The following PKD1 variants were observed in gnomAD, a reference collection of about 807,000 sequenced individuals.
The protein encoded by PKD1 is polycystin 1, transient receptor potential channel interacting, also known as polycystin-1.
PKD1 carries 81 observed loss-of-function variants against 361.7 expected under a neutral mutation model. That is an observed-to-expected ratio of 0.22 (90% CI 0.19 to 0.27). PKD1 has a LOEUF of 0.27. Among genes scored for constraint, PKD1 ranks in the 10% least tolerant of loss-of-function variants. The pLI is 1.00. For missense variants in PKD1, 6,399 were observed against 6,118.3 expected (o/e 1.05, Z -1.53); for synonymous variants, 3,615 against 2,818.3 (o/e 1.28, Z -8.95).
In PKD1 at chr16:2,097,129, C is replaced by A; in HGVS notation, c.10499+19G>T. On this transcript the variant is annotated intron_variant, in intron 34 of 45. Transcript: ENST00000262304. ...CCCTCCTCTGGCAATCCCCCCTCCC[C>A]CGAGAGCCGGACACTCACAGGCTGC... 1 of 1,541,992 alleles carries A rather than the reference C, an allele frequency of 6.5e-7. No homozygotes were observed. Among genetic ancestry groups the A allele is most frequent in the Non-Finnish European group, 8.8e-7 (1 of 1,141,858 alleles).
At chr16:2,104,380 G>C in intron 22 of PKD1, 118 bp downstream of exon 22, 1 of 592,464 alleles carries the variant, frequency 1.7e-6, no homozygotes, top group Non-Finnish European at 3.0e-6. Context: ...GGGAATTGGG[G>C]GGAGGGGAGG....
chr16:2,120,171 C>G, intron 1 of PKD1: 1 of 408,070 alleles, frequency 2.5e-6, no homozygotes, highest in Non-Finnish European at 4.4e-6. Context: ...GAGATCGCAT[C>G]ACTGTACTCC....
In PKD1 at chr16:2,096,390, C is replaced by T. The variant is rs796828285; in HGVS notation, c.10499+758G>A. 9.8e-5 allele frequency among the ~76,000 whole-genome samples: 15 copies of T among 152,376 alleles called. 1 individual carries two copies. Among genetic ancestry groups the T allele is most frequent in the African/African-American group, 3.4e-4 (14 of 41,594 alleles). On this transcript the variant is annotated intron_variant, in intron 34 of 45. Coordinates refer to ENST00000262304, the MANE Select transcript of PKD1 (RefSeq NM_001009944.3). The stretch of plus-strand genomic sequence containing the variant: ...GCATGGCAGAGCCCGGGGTCACACG[C>T]GTGGGAACACGCCGTGGGTGCGCTC...
At position 2,100,928 on chromosome 16, in the gene PKD1, C is replaced by T. The variant is rs994242480; in HGVS notation, c.9398-362G>A. ...ACCCGTCCCTCAGTTCATGCACAGACTGCAAAGCGTGAAGCTGTGTCACCT... is the reference window on the plus strand; with the variant it reads ...ACCCGTCCCTCAGTTCATGCACAGATTGCAAAGCGTGAAGCTGTGTCACCT... On this transcript the variant is annotated intron_variant, in intron 26 of 45. Transcript: ENST00000262304. The surrounding 1 kb of genome is among the most constrained non-coding windows in gnomAD (Gnocchi z 4.4). 4.6e-5 allele frequency among the ~76,000 whole-genome samples: 7 copies of T among 152,208 alleles called. No homozygotes were observed. Among genetic ancestry groups the T allele is most frequent in the African/African-American group, 1.2e-4 (5 of 41,444 alleles).
chr16:2,092,968 G>C lies in PKD1; in HGVS notation c.11142C>G (p.Phe3714Leu). The C allele has an allele frequency of 6.2e-7, 1 of 1,613,048 alleles. No homozygotes were observed. Among genetic ancestry groups the C allele is most frequent in the Admixed American group, 1.7e-5 (1 of 60,024 alleles). ...GATGCCCGTACCGCGTGATGGCCAG[G>C]AAGGCCCGGCTGTGCAGCTCCTGCT... ...AIKQELHSRA[F>L]LAITRSEELW... Residue 3714 changes from phenylalanine to leucine, a missense_variant, in exon 38 of 46, where the codon TTC (phenylalanine) becomes TTG (leucine). Phe to Leu is a conservative substitution (Grantham distance 22). Coordinates refer to ENST00000262304, the MANE Select transcript of PKD1 (RefSeq NM_001009944.3).
rs968259191 is a variant in PKD1, at chr16:2,092,077, G to A, written c.11381C>T (p.Thr3794Met). Residue 3794 changes from threonine to methionine, a missense_variant, in exon 40 of 46, where the codon ACG becomes ATG. Transcript: ENST00000262304. Reference protein sequence around the residue: ...GWESPHNGSGTWAYSAPDLLG... With the variant: ...GWESPHNGSGMWAYSAPDLLG... ...CAGATCCGGCGCTGAATAGGCCCAC[G>A]TCCCCGAGCCATTGTGAGGACTCTC... 4 of 1,612,586 alleles carry A rather than the reference G, an allele frequency of 2.5e-6. No homozygotes were observed. The highest frequency in any genetic ancestry group is 1.7e-5 in the Admixed American group (1 of 60,004).
Position 2,103,909 on chromosome 16 carries a change from T to A in PKD1, c.8162-14A>T, listed in dbSNP as rs962962096. 1.4e-6 allele frequency: 2 copies of A among 1,469,166 alleles called. No homozygotes were observed. Among genetic ancestry groups the A allele is most frequent in the African/African-American group, 3.6e-5 (2 of 55,486 alleles). The allele number at this position is 1,469,166 out of a possible 1,614,324, so 91.0% of individuals were successfully genotyped here. ...GGATGAGGTCTCCTGCAGACATGCG[T>A]GAGGTCAGTGCAGAGACAGGGAGGT... On this transcript the variant is annotated splice_polypyrimidine_tract_variant and intron_variant, in intron 22 of 45. Coordinates refer to ENST00000262304, the MANE Select transcript of PKD1 (RefSeq NM_001009944.3).
At position 2,107,922 on chromosome 16, in the gene PKD1, C is replaced by A. The variant is rs1269843628; in HGVS notation, c.7026G>T (p.Val2342=). The change falls in exon 16 of 46, where the codon GTG becomes GTT. Residue 2342 remains valine (V), a synonymous_variant. Transcript: ENST00000262304. ...CCTCCTCCTTGCGGCCGGCCTTCCA[C>A]ACGGTCAGGCTGAAGGTGTACTCCA... The part of the protein sequence containing the change: ...AGVEYTFSLT[V]WKAGRKEEAT... The A allele has an allele frequency of 6.5e-7, 1 of 1,545,856 alleles. No individual in the cohort carries two copies. The highest frequency in any genetic ancestry group is 2.0e-5 in the Admixed American group (1 of 51,000).
intron 8 of PKD1, 170 bp from the exon 9 acceptor site, chr16:2,116,288 T>TG (rs1184158281): frequency 1.5e-5 from 11 of 751,918 alleles, no homozygotes; most frequent in East Asian, 1.3e-4. Flanking sequence ...AAACTGTCCA[T>TG]GGGGGGCAGG....
In PKD1 at chr16:2,090,325, C is replaced by A. The variant is rs747807172; in HGVS notation, c.12404G>T (p.Arg4135Leu). ...QDYEMVELFL[R>L]RLRLWMGLSK... ...GAGGCCCATCCAGAGGCGCAGCCTG[C>A]GCAGGAACAACTCCACCATCTCGTA... is the stretch of plus-strand genomic sequence containing the variant. Residue 4135 changes from arginine to leucine, a missense_variant, in exon 45 of 46, where the codon CGC becomes CTC. Transcript: ENST00000262304. The A allele has an allele frequency of 3.1e-6, 5 of 1,612,000 alleles. No homozygotes were observed. The highest frequency in any genetic ancestry group is 4.2e-6 in the Non-Finnish European group (5 of 1,179,556).
At position 2,109,731 on chromosome 16, in the gene PKD1, G is replaced by T. The variant is rs755297914; in HGVS notation, c.5436C>A (p.Pro1812=). The part of the protein sequence containing the change: ...VSGLSIRASE[P]GGSFVAAGSS... The stretch of plus-strand genomic sequence containing the variant: ...ACCCGGCCGCCACGAAGCTGCCTCC[G>T]GGCTCGCTGGCCCTGATGCTGAGGC... The change falls in exon 15 of 46, where the codon CCC becomes CCA. Residue 1812 remains proline (P), a synonymous_variant. Coordinates refer to ENST00000262304, the MANE Select transcript of PKD1 (RefSeq NM_001009944.3). 1 of 1,607,906 alleles carries T rather than the reference G, an allele frequency of 6.2e-7. No homozygotes were observed. The highest frequency in any genetic ancestry group is 1.3e-5 in the African/African-American group (1 of 74,918).
chr16:2,130,149 C>G (rs1344239262), intron 1 of PKD1, among the ~76,000 whole-genome samples: 2 of 152,268 alleles, frequency 1.3e-5, no homozygotes, highest in Admixed American at 1.3e-4. Context: ...CCGTTTCTCA[C>G]GCAGGCACGT....
At chr16:2,091,293 C>A (rs866442066) in intron 42 of PKD1, 119 bp from the exon 43 acceptor site, 2 of 350,992 alleles carry the variant, frequency 5.7e-6, no homozygotes, top group African/African-American at 3.5e-5. Flanking sequence ...GGGGCGGGGC[C>A]CTGCGAGGGG....
chr16:2,092,234 C>T, intron 39 of PKD1, 46 bp from the exon 40 acceptor site: 2 of 1,544,714 alleles, frequency 1.3e-6, no homozygotes, highest in Non-Finnish European at 1.7e-6. Context: ...CTCATCAAAA[C>T]CCAACAGGAG....
In PKD1 at chr16:2,100,606, G is replaced by C; in HGVS notation, c.9398-40C>G. 1 of 1,559,522 alleles carries C rather than the reference G, an allele frequency of 6.4e-7. No individual in the cohort carries two copies. The highest frequency in any genetic ancestry group is 8.8e-7 in the Non-Finnish European group (1 of 1,138,864). On this transcript the variant is annotated intron_variant, in intron 26 of 45. Transcript: ENST00000262304. The surrounding 1 kb of genome is among the most constrained non-coding windows in gnomAD (Gnocchi z 4.4). ...GGAGGGGTGGGAGGCTCGGTCTGCT[G>C]CCCAACACGTGTGGCATCCCAGGCA... is the stretch of plus-strand genomic sequence containing the variant.
Position 2,103,779 on chromosome 16 carries a change from T to C in PKD1, c.8278A>G (p.Met2760Val). 1.2e-6 allele frequency: 2 copies of C among 1,609,416 alleles called. No individual in the cohort carries two copies. The highest frequency in any genetic ancestry group is 1.7e-6 in the Non-Finnish European group (2 of 1,179,502). ...ACGCGGGAGCGCATGAGGATGCGCATGAGGGCAGAGGTCAGGTTGTAGGCC... is the reference window on the plus strand; with the variant it reads ...ACGCGGGAGCGCATGAGGATGCGCACGAGGGCAGAGGTCAGGTTGTAGGCC... ...SQAYNLTSALMRILMRSRVLN... is the reference protein window; with the variant it reads ...SQAYNLTSALVRILMRSRVLN... Residue 2760 changes from methionine to valine, a missense_variant, in exon 23 of 46, where the codon ATG becomes GTG. Transcript: ENST00000262304.
chr16:2,097,899 G>A lies in PKD1; in HGVS notation c.10136C>T (p.Ser3379Phe), dbSNP rs763653467. Residue 3379 changes from serine (S) to phenylalanine (F), a missense_variant, in exon 31 of 46, where the codon TCC becomes TTC. Physicochemically the swap from Ser to Phe is radical, Grantham distance 155 (BLOSUM62 -2). Transcript: ENST00000262304. The stretch of plus-strand genomic sequence containing the variant: ...GTGGAGGCCTGAGAACGTGAGGAAG[G>A]AGCTGTCCAGCACGGACGAGTCCAG... ...SCLDSSVLDS[S>F]FLTFSGLHAE... 16 of 1,604,684 alleles carry A rather than the reference G, an allele frequency of 1.0e-5. 1 individual carries two copies. The Middle Eastern group carries it at 1.6e-3, about 159-fold the overall frequency.
chr16:2,105,135 C>T (rs754388506), intron 21 of PKD1, among the ~76,000 whole-genome samples, 187 bp downstream of exon 21: 18 of 150,250 alleles, frequency 1.2e-4, no homozygotes, highest in Admixed American at 3.3e-4. Context: ...CGAGAGGCAC[C>T]CTGCGTTCAC....
At chr16:2,095,623 G>A (rs1474692398) in intron 34 of PKD1, among the ~76,000 whole-genome samples, 1 of 152,212 alleles carries the variant, frequency 6.6e-6, no homozygotes, top group African/African-American at 2.4e-5. Context: ...CTCTGCGTTG[G>A]GAAAGGAGCC....
Sources: gnomAD v4.1 joint callset for allele counts (sites outside exome capture counted in the v4.1 genomes callset) on GRCh38, gnomAD v4.1.1 for gene constraint, Gnocchi (gnomAD v3.1) non-coding constraint, MANE v1.5 for transcripts, NCBI Gene and HGNC (gene_info 2026-07-23, HGNC 2026-07-21) for gene names.